The following EMP2 variants were observed in gnomAD, a reference collection of about 807,000 sequenced individuals.
EMP2 encodes the protein epithelial membrane protein 2.
Under a neutral mutation model 13.7 loss-of-function variants are expected in EMP2, and 19 were observed. The observed-to-expected ratio is 1.38, with a 90% CI of 0.97 to 2.03. The LOEUF is 2.03. Ranked by LOEUF, EMP2 falls within the 30% of genes most tolerant of loss-of-function variation. The pLI is 0.00. For missense variants in EMP2, 253 were observed against 220.7 expected, an observed-to-expected ratio of 1.15 and a Z score of -0.93; for synonymous variants, 97 against 84.7, an observed-to-expected ratio of 1.15 and a Z score of -0.80.
chr16:10,541,822 C>A (rs971048440), intron 3 of EMP2, among the ~76,000 whole-genome samples: 1 of 152,202 alleles, frequency 6.6e-6, no homozygotes, highest in Non-Finnish European at 1.5e-5. Context: ...CTGCTCTCTG[C>A]CTCAGTTTCC....
intron 1 of EMP2, among the ~76,000 whole-genome samples, chr16:10,557,999 A>G (rs529217224): frequency 1.3e-5 from 2 of 151,602 alleles, no homozygotes; most frequent in African/African-American, 4.9e-5. Flanking sequence ...TCTGCACACA[A>G]AGTGGAACAT....
intron 2 of EMP2, chr16:10,546,743 C>A (rs764376670): frequency 3.3e-5 from 5 of 152,248 alleles, no homozygotes; most frequent in Non-Finnish European, 5.9e-5. Context: ...GCTACTGCAT[C>A]TAGCAGATAA....
chr16:10,556,921 C>T (rs183429133), intron 1 of EMP2, among the ~76,000 whole-genome samples: 2 of 152,318 alleles, frequency 1.3e-5, no homozygotes, highest in Admixed American at 1.3e-4. Context: ...GCAGAGAGGG[C>T]ACAAGGCAGT....
At chr16:10,565,468 T>C (rs924524396) in intron 1 of EMP2, among the ~76,000 whole-genome samples, 47 of 152,308 alleles carry the variant, frequency 3.1e-4, no homozygotes, top group African/African-American at 1.1e-3. Flanking sequence ...CATCAGCTCA[T>C]CCATGGGTCT....
In EMP2 at chr16:10,543,684, G is replaced by A. The variant is rs375201528; in HGVS notation, c.79-24C>T. On this transcript the variant is annotated intron_variant, in intron 2 of 4. Transcript: ENST00000359543. ...GCCTGTAACACAAAATGGAAATAGA[G>A]AGAAAGGCCGTCCGTTCATGATGCA... is the stretch of plus-strand genomic sequence containing the variant. The A allele has an allele frequency of 3.1e-6, 5 of 1,610,994 alleles. No individual in the cohort carries two copies. The South Asian group carries it at 4.4e-5, about 14-fold the overall frequency.
At chr16:10,561,361 T>C (rs985154365) in intron 1 of EMP2, among the ~76,000 whole-genome samples, 1 of 152,196 alleles carries the variant, frequency 6.6e-6, no homozygotes, top group Non-Finnish European at 1.5e-5. Context: ...CCAGGAATCC[T>C]GGTGTCATGG....
At chr16:10,543,275 C>G (rs758799704) in intron 3 of EMP2, among the ~76,000 whole-genome samples, 5 of 152,246 alleles carry the variant, frequency 3.3e-5, no homozygotes, top group Non-Finnish European at 5.9e-5. Context: ...AGAGCTGAAG[C>G]TGGAGAAAGG....
chr16:10,572,524 A>G (rs114868201), intron 1 of EMP2, among the ~76,000 whole-genome samples: 2,034 of 152,210 alleles, frequency 0.013, 43 homozygotes, highest in African/African-American at 0.047. Flanking sequence ...ATTCCATTAC[A>G]GGGGCCGAGT....
At position 10,551,996 on chromosome 16, in the gene EMP2, G is replaced by A. The variant is rs76121048; in HGVS notation, c.-60-4319C>T. Among the ~76,000 whole-genome samples, 974 of 152,198 alleles carry A rather than the reference G, an allele frequency of 6.4e-3. 15 individuals carry two copies. Among genetic ancestry groups the A allele is most frequent in the African/African-American group, 0.022 (933 of 41,534 alleles). ...TGATTCTGTGCATCACCAATTAGAA[G>A]GACCCAATGAACCAGCTTGGAGATT... On this transcript the variant is annotated intron_variant, in intron 1 of 4. Coordinates refer to ENST00000359543, the MANE Select transcript of EMP2 (RefSeq NM_001424.6).
chr16:10,531,708 C>T lies in EMP2; in HGVS notation c.*1197G>A, dbSNP rs185600717. The T allele has an allele frequency of 6.5e-6, 1 of 152,990 alleles. No individual in the cohort carries two copies. The highest frequency in any genetic ancestry group is 6.5e-5 in the Admixed American group (1 of 15,276). The allele number at this position is 152,990 out of a possible 1,614,324, so 9.5% of individuals were successfully genotyped here. A position where few individuals can be genotyped will look rare whatever the true frequency, so the allele number is the denominator to read the frequency against. On this transcript the variant is annotated 3_prime_UTR_variant, in exon 5 of 5. Transcript: ENST00000359543. Reference sequence around the variant, plus strand: ...GAGGAGATTGTCTCTAGAGGGTATCCCCTGTGCCTGGCACATGCATGCAAG... The same window carrying T: ...GAGGAGATTGTCTCTAGAGGGTATCTCCTGTGCCTGGCACATGCATGCAAG...
At chr16:10,578,442 A>G (rs1006259153) in intron 1 of EMP2, among the ~76,000 whole-genome samples, 1 of 152,196 alleles carries the variant, frequency 6.6e-6, no homozygotes, top group African/African-American at 2.4e-5. Context: ...GCGGTTTGCT[A>G]AATGGATGTG....
At chr16:10,534,798 A>G (rs2050634691) in intron 4 of EMP2, among the ~76,000 whole-genome samples, 1 of 152,188 alleles carries the variant, frequency 6.6e-6, no homozygotes, top group African/African-American at 2.4e-5. Context: ...TGCTGTCCCA[A>G]TATTTACAGA....
chr16:10,575,423 T>G (rs143470590), intron 1 of EMP2, among the ~76,000 whole-genome samples: 258 of 151,602 alleles, frequency 1.7e-3, no homozygotes, highest in African/African-American at 6.0e-3. Context: ...CGGGCTAATT[T>G]TTTTGTAATT....
chr16:10,534,290 G>T (rs1294580787), intron 4 of EMP2, among the ~76,000 whole-genome samples: 1 of 152,272 alleles, frequency 6.6e-6, no homozygotes, highest in African/African-American at 2.4e-5. Flanking sequence ...CAACACTAAA[G>T]ATGACAGAAT....
intron 3 of EMP2, among the ~76,000 whole-genome samples, chr16:10,542,907 G>A (rs1218886021): frequency 2.6e-5 from 4 of 152,352 alleles, no homozygotes; most frequent in South Asian, 2.1e-4. Context: ...GCGCAGTGGC[G>A]TGATCTCGGC....
Position 10,580,228 on chromosome 16 carries a change from C to T in EMP2, c.-61+321G>A, listed in dbSNP as rs888914982. Among the ~76,000 whole-genome samples the T allele has an allele frequency of 2.6e-5, 4 of 152,178 alleles. No individual in the cohort carries two copies. Among genetic ancestry groups the T allele is most frequent in the Non-Finnish European group, 4.4e-5 (3 of 68,026 alleles). On this transcript the variant is annotated intron_variant, in intron 1 of 4. Coordinates refer to ENST00000359543, the MANE Select transcript of EMP2 (RefSeq NM_001424.6). The surrounding 1 kb of genome is among the most constrained non-coding windows in gnomAD (Gnocchi z 4.3). The stretch of plus-strand genomic sequence containing the variant: ...CACGCGACCTGGGGATCTCCCTGGA[C>T]TCCAAGAGCCCCGGGTGTAAGTCCG...
chr16:10,543,547 C>G, intron 3 of EMP2, 23 bp downstream of exon 3: 1 of 1,613,222 alleles, frequency 6.2e-7, no homozygotes, highest in South Asian at 1.1e-5. Flanking sequence ...GCTTCTCAGT[C>G]AGCTTCCTTC....
intron 2 of EMP2, chr16:10,545,965 G>A (rs2050735803): frequency 6.6e-6 from 1 of 152,234 alleles, no homozygotes; most frequent in Non-Finnish European, 1.5e-5. Context: ...ACAGGCTCTA[G>A]GACCAGGAGC....
intron 4 of EMP2, among the ~76,000 whole-genome samples, chr16:10,536,900 C>A (rs539550028): frequency 2.0e-5 from 3 of 152,176 alleles, no homozygotes; most frequent in Non-Finnish European, 4.4e-5. Flanking sequence ...CTGCACCTGA[C>A]CGGGACTTTC....
Sources: gnomAD v4.1 joint callset for allele counts (sites outside exome capture counted in the v4.1 genomes callset) on GRCh38, gnomAD v4.1.1 for gene constraint, Gnocchi (gnomAD v3.1) non-coding constraint, MANE v1.5 for transcripts, NCBI Gene and HGNC (gene_info 2026-07-23, HGNC 2026-07-21) for gene names.